The following RAB37 variants were observed in gnomAD, a reference collection of about 807,000 sequenced individuals.
RAB37 encodes RAB37, member RAS oncogene family, also known as ras-related protein Rab-37.
RAB37 carries 29 observed loss-of-function variants against 33.1 expected under a neutral mutation model. The observed-to-expected ratio is 0.88, with a 90% CI of 0.65 to 1.20. RAB37 has a LOEUF of 1.20. RAB37 is among the 50% of genes most tolerant of loss of function. The probability of loss-of-function intolerance (pLI) is 0.00; values close to 1 mark genes in which losing one functional copy is unlikely to be tolerated. For missense variants in RAB37, 299 were observed against 301.1 expected (o/e 0.99, Z 0.05); for synonymous variants, 128 against 119.5 (o/e 1.07, Z -0.47).
chr17:74,744,660 C>G lies in RAB37; in HGVS notation c.433-213C>G, dbSNP rs1286932700. 1.6e-6 allele frequency: 1 copy of G among 641,110 alleles called. No individual in the cohort carries two copies. The highest frequency in any genetic ancestry group is 1.8e-5 in the African/African-American group (1 of 54,776). The allele number at this position is 641,110 out of a possible 1,614,324, so 39.7% of individuals were successfully genotyped here. On this transcript the variant is annotated intron_variant, in intron 6 of 8. Transcript: ENST00000392613. This position sits in a 1 kb window ranked among gnomAD's most constrained non-coding sequence, Gnocchi z 4.2. ...GGCTAAGAGTGCAAAGGGTTAGCCC[C>G]AACTGCTGTCCTATTCCAAGACCCT...
intron 1 of RAB37, among the ~76,000 whole-genome samples, chr17:74,715,900 G>T (rs1456469155): frequency 6.6e-6 from 1 of 152,260 alleles, no homozygotes; most frequent in East Asian, 1.9e-4. Context: ...CATGGTGGTG[G>T]ATGTCTGTAA....
In RAB37 at chr17:74,744,715, G is replaced by A; in HGVS notation, c.433-158G>A. On this transcript the variant is annotated intron_variant, in intron 6 of 8. Coordinates refer to ENST00000392613, the MANE Select transcript of RAB37 (RefSeq NM_001006638.3). The surrounding 1 kb of genome is among the most constrained non-coding windows in gnomAD (Gnocchi z 4.2). ...CAAAGGTGAGATCCCAGAGCTGGGA[G>A]CTACACTGGGCAGAAACCCTGGCCC... 1 of 820,396 alleles carries A rather than the reference G, an allele frequency of 1.2e-6. No homozygotes were observed. The highest frequency in any genetic ancestry group is 1.5e-5 in the South Asian group (1 of 65,458). 50.8% of individuals were successfully genotyped at this position (820,396 alleles called of 1,614,324 possible). A position where few individuals can be genotyped will look rare whatever the true frequency, so the allele number is the denominator to read the frequency against.
At chr17:74,692,249 G>A (rs993703859) in intron 1 of RAB37, among the ~76,000 whole-genome samples, 2 of 151,320 alleles carry the variant, frequency 1.3e-5, no homozygotes, top group African/African-American at 4.9e-5. Context: ...CTCTCTGTGG[G>A]CGCTTCTTGC....
At chr17:74,695,103 C>T (rs2032300400) in intron 1 of RAB37, 1 of 1,613,472 alleles carries the variant, frequency 6.2e-7, no homozygotes, top group African/African-American at 1.3e-5. Context: ...AGGCTAAGGC[C>T]TGCTGATGGT....
At chr17:74,701,642 G>A (rs955059216) in intron 1 of RAB37, among the ~76,000 whole-genome samples, 1 of 152,160 alleles carries the variant, frequency 6.6e-6, no homozygotes, top group Non-Finnish European at 1.5e-5. Flanking sequence ...CAAATCACTT[G>A]AGGACAGGAG....
At chr17:74,704,322 C>T (rs951481182) in intron 1 of RAB37, 1 of 627,672 alleles carries the variant, frequency 1.6e-6, no homozygotes, top group Non-Finnish European at 2.8e-6. Context: ...AAGAGAGGCC[C>T]TGCTCCCCCA....
At chr17:74,711,434 C>T (rs963893503) in intron 1 of RAB37, among the ~76,000 whole-genome samples, 5 of 152,224 alleles carry the variant, frequency 3.3e-5, no homozygotes, top group African/African-American at 1.2e-4. Context: ...CAAAGTCTGC[C>T]TTCTCCACTT....
intron 1 of RAB37, among the ~76,000 whole-genome samples, chr17:74,693,837 G>C (rs971556582): frequency 2.0e-4 from 31 of 151,878 alleles, no homozygotes; most frequent in Non-Finnish European, 5.9e-5. Context: ...ACTGAGGCAA[G>C]AGAATTGCTT....
At chr17:74,725,065 A>G (rs1421489977) in intron 1 of RAB37, among the ~76,000 whole-genome samples, 2 of 152,168 alleles carry the variant, frequency 1.3e-5, no homozygotes, top group Admixed American at 6.5e-5. Flanking sequence ...CTACAAAATC[A>G]AGTGTGTCTA....
At chr17:74,710,796 G>A (rs990552843) in intron 1 of RAB37, among the ~76,000 whole-genome samples, 2 of 152,090 alleles carry the variant, frequency 1.3e-5, no homozygotes, top group Non-Finnish European at 2.9e-5. Context: ...GAATCTGGGA[G>A]GCAGAGGTTG....
chr17:74,744,474 A>G lies in RAB37; in HGVS notation c.432+101A>G, dbSNP rs1484019607. The G allele has an allele frequency of 1.7e-6, 2 of 1,143,338 alleles. No individual in the cohort carries two copies. The highest frequency in any genetic ancestry group is 1.3e-5 in the South Asian group (1 of 79,454). 70.8% of individuals were successfully genotyped at this position (1,143,338 alleles called of 1,614,324 possible). On this transcript the variant is annotated intron_variant, in intron 6 of 8. Coordinates refer to ENST00000392613, the MANE Select transcript of RAB37 (RefSeq NM_001006638.3). This position sits in a 1 kb window ranked among gnomAD's most constrained non-coding sequence, Gnocchi z 4.2. ...CAGTTATCTAGGCATCCTTCCTGAA[A>G]AGGACTCTGCAGCCTCCAGCTCAGG... is the stretch of plus-strand genomic sequence containing the variant.
At chr17:74,739,525 C>CTTT (rs1166150273) in intron 1 of RAB37, among the ~76,000 whole-genome samples, 62 of 131,300 alleles carry the variant, frequency 4.7e-4, no homozygotes, top group African/African-American at 8.6e-4. Context: ...TTCATGCAAC[C>CTTT]TTTTTTTTTT....
chr17:74,742,838 G>A lies in RAB37; in HGVS notation c.247-291G>A, dbSNP rs2034652988. ...GACGGGGTTTCACTGTGTTAGCCAG[G>A]ATGGTCTGGATCTCCTGACCTCGTG... On this transcript the variant is annotated intron_variant, in intron 3 of 8. Coordinates refer to ENST00000392613, the MANE Select transcript of RAB37 (RefSeq NM_001006638.3). The surrounding 1 kb of genome is among the most constrained non-coding windows in gnomAD (Gnocchi z 4.0). 6.6e-6 allele frequency among the ~76,000 whole-genome samples: 1 copy of A among 152,030 alleles called. No homozygotes were observed. Among genetic ancestry groups the A allele is most frequent in the African/African-American group, 2.4e-5 (1 of 41,366 alleles).
chr17:74,736,900 C>T, upstream of RAB37: 1 of 1,491,572 alleles, frequency 6.7e-7, no homozygotes, highest in South Asian at 1.3e-5. Flanking sequence ...GCGCCGCCTG[C>T]TGTCGCGGTG....
intron 1 of RAB37, among the ~76,000 whole-genome samples, chr17:74,711,516 G>C (rs1168462443): frequency 1.3e-5 from 2 of 152,164 alleles, no homozygotes; most frequent in Non-Finnish European, 2.9e-5. Flanking sequence ...AGCAGTCCTG[G>C]ACAAGTCACT....
chr17:74,736,672 G>A (rs529561839), upstream of RAB37: 311 of 1,535,586 alleles, frequency 2.0e-4, no homozygotes, highest in Non-Finnish European at 2.7e-4. Context: ...CATACTAAAG[G>A]GTCAAAGTCC....
At chr17:74,691,663 G>A (rs1432561656) in intron 1 of RAB37, among the ~76,000 whole-genome samples, 4 of 152,126 alleles carry the variant, frequency 2.6e-5, no homozygotes, top group Non-Finnish European at 4.4e-5. Flanking sequence ...CTTAATGTCA[G>A]AAGTTTCATG....
chr17:74,679,991 AAAAGAAAG>A (rs1213099836), intron 1 of RAB37, among the ~76,000 whole-genome samples: 3 of 143,484 alleles, frequency 2.1e-5, no homozygotes, highest in Admixed American at 1.4e-4. Flanking sequence ...AAAAAAAAAA[AAAAGAAAG>A]AAAGAAAGAA....
chr17:74,686,115 TAG>T (rs1345648934), intron 1 of RAB37, among the ~76,000 whole-genome samples: 2 of 152,048 alleles, frequency 1.3e-5, no homozygotes, highest in South Asian at 2.1e-4. Context: ...TTTCTTGAGA[TAG>T]AGTCTCACTC....
Sources: gnomAD v4.1 joint callset for allele counts (sites outside exome capture counted in the v4.1 genomes callset) on GRCh38, gnomAD v4.1.1 for gene constraint, Gnocchi (gnomAD v3.1) non-coding constraint, MANE v1.5 for transcripts, NCBI Gene and HGNC (gene_info 2026-07-23, HGNC 2026-07-21) for gene names.